Variants in LAP3 observed in about 807,000 individuals in gnomAD.
LAP3 encodes leucine aminopeptidase 3.
In LAP3, 46 loss-of-function variants were observed where a neutral mutation model predicts 58.8. The observed-to-expected ratio is 0.78, with a 90% CI of 0.62 to 1.00. The LOEUF (loss-of-function observed/expected upper bound fraction) is 1.00, where lower values mean the gene tolerates loss of function less well. Ranked by LOEUF, LAP3 falls within the 50% of genes least tolerant of loss-of-function variation. LAP3 has a pLI of 0.00. For missense variants in LAP3, 615 were observed against 659.1 expected (o/e 0.93, Z 0.73); for synonymous variants, 257 against 237.7 (o/e 1.08, Z -0.75).
intron 7 of LAP3, among the ~76,000 whole-genome samples, chr4:17,589,845 C>T (rs6831013): frequency 0.047 from 7,180 of 152,236 alleles, 546 homozygotes; most frequent in African/African-American, 0.16. Context: ...GGTGATGCCC[C>T]TGTTTGTATT....
chr4:17,605,664 A>C (rs918612154), intron 11 of LAP3, among the ~76,000 whole-genome samples: 8 of 152,004 alleles, frequency 5.3e-5, no homozygotes, highest in Non-Finnish European at 7.4e-5. Context: ...ACGAAGCCCA[A>C]TTTTCCCAGT....
chr4:17,593,401 G>T (rs898799894), intron 7 of LAP3, among the ~76,000 whole-genome samples: 1 of 151,782 alleles, frequency 6.6e-6, no homozygotes, highest in Non-Finnish European at 1.5e-5. Context: ...TTGGCACCTC[G>T]GGTGGAAATC....
chr4:17,598,237 T>G (rs1018295129), intron 9 of LAP3, among the ~76,000 whole-genome samples: 1 of 152,172 alleles, frequency 6.6e-6, no homozygotes, highest in East Asian at 1.9e-4. Context: ...GGGCTCAAGC[T>G]GTCTGCCCAC....
intron 4 of LAP3, chr4:17,582,658 A>G (rs1483124424): frequency 3.2e-6 from 1 of 310,692 alleles, no homozygotes; most frequent in Non-Finnish European, 6.0e-6. Flanking sequence ...GTCATATTAG[A>G]GCTGTGTTTT....
At chr4:17,594,863 T>G (rs1026400035) in intron 7 of LAP3, among the ~76,000 whole-genome samples, 1 of 152,168 alleles carries the variant, frequency 6.6e-6, no homozygotes, top group Non-Finnish European at 1.5e-5. Flanking sequence ...CATAAGTTGA[T>G]CAATTCATAA....
At chr4:17,600,719 C>G (rs1459462309) in intron 10 of LAP3, among the ~76,000 whole-genome samples, 2 of 152,156 alleles carry the variant, frequency 1.3e-5, no homozygotes, top group South Asian at 2.1e-4. Context: ...GTTCCAGAAG[C>G]TAGGGTTCCA....
At chr4:17,590,932 T>C (rs1016524648) in intron 7 of LAP3, among the ~76,000 whole-genome samples, 6 of 148,220 alleles carry the variant, frequency 4.0e-5, no homozygotes, top group Middle Eastern at 6.8e-3. Context: ...ACTTTTTTTT[T>C]TTTTTTTTTT....
In LAP3 at chr4:17,597,146, T is replaced by C; in HGVS notation, c.1077+12T>C. On this transcript the variant is annotated intron_variant, in intron 9 of 12. Coordinates refer to ENST00000226299, the MANE Select transcript of LAP3 (RefSeq NM_015907.3). Reference sequence around the variant, plus strand: ...GGAAGACCATCCAGGTTTGTAAATGTGAGACACAGCACTCCCCATCCAGCG... The same window carrying C: ...GGAAGACCATCCAGGTTTGTAAATGCGAGACACAGCACTCCCCATCCAGCG... 6.2e-7 allele frequency: 1 copy of C among 1,608,756 alleles called. No individual in the cohort carries two copies. The highest frequency in any genetic ancestry group is 2.2e-5 in the East Asian group (1 of 44,870).
At chr4:17,591,133 T>C (rs915083167) in intron 7 of LAP3, among the ~76,000 whole-genome samples, 1 of 151,378 alleles carries the variant, frequency 6.6e-6, no homozygotes, top group East Asian at 2.0e-4. Flanking sequence ...CTGGAGTGCA[T>C]TGGCGCAGTC....
chr4:17,585,383 G>GAC (rs1159969384), intron 6 of LAP3: 1 of 281,072 alleles, frequency 3.6e-6, no homozygotes, highest in East Asian at 7.3e-5. Context: ...GTGTTATTCA[G>GAC]ACACAATTAA....
chr4:17,602,032 T>G (rs1046364656), intron 10 of LAP3, among the ~76,000 whole-genome samples: 2 of 152,168 alleles, frequency 1.3e-5, no homozygotes, highest in African/African-American at 4.8e-5. Flanking sequence ...TGGTTAAGAA[T>G]TTAAGGAGCA....
intron 2 of LAP3, among the ~76,000 whole-genome samples, chr4:17,581,002 T>G (rs1011639034): frequency 6.6e-6 from 1 of 152,266 alleles, no homozygotes; most frequent in African/African-American, 2.4e-5. Flanking sequence ...CAGAGCATTC[T>G]CAAGTGCATT....
rs1379652037 is a variant in LAP3, at chr4:17,583,404, A to C, written c.380-79A>C. On this transcript the variant is annotated intron_variant, in intron 4 of 12. Transcript: ENST00000226299. ...AACCCCAGGGCTGTTTTCTCAGCAC[A>C]TCACATCATGCCTCTGCTGTCTGCT... The C allele has an allele frequency of 2.0e-6, 3 of 1,520,220 alleles. No homozygotes were observed. In the South Asian group the frequency reaches 3.4e-5, roughly 17 times the overall value. The allele number at this position is 1,520,220 out of a possible 1,614,324, so 94.2% of individuals were successfully genotyped here.
intron 11 of LAP3, among the ~76,000 whole-genome samples, chr4:17,605,244 A>G (rs958517666): frequency 3.3e-5 from 5 of 152,124 alleles, no homozygotes; most frequent in Non-Finnish European, 5.9e-5. Flanking sequence ...GCCTCCTGAC[A>G]CCTGGTTCAG....
rs553852818 is a variant in LAP3 at position 17,604,685 on chromosome 4, A to T, written c.1260+18A>T. On this transcript the variant is annotated intron_variant, in intron 11 of 12. Coordinates refer to ENST00000226299, the MANE Select transcript of LAP3 (RefSeq NM_015907.3). ...TCTTCGAGGTAGGAATAATATTTGT[A>T]TATCTAAATTGTAGAGATGGTGAAT... The T allele has an allele frequency of 6.5e-7, 1 of 1,539,976 alleles. No individual in the cohort carries two copies. The highest frequency in any genetic ancestry group is 1.1e-5 in the South Asian group (1 of 89,550).
intron 10 of LAP3, among the ~76,000 whole-genome samples, chr4:17,603,124 G>A (rs1375482407): frequency 6.6e-6 from 1 of 151,558 alleles, no homozygotes; most frequent in Admixed American, 6.6e-5. Flanking sequence ...TGGCTAACAC[G>A]GTGAAACCCC....
intron 7 of LAP3, among the ~76,000 whole-genome samples, chr4:17,593,605 T>C (rs924878146): frequency 2.4e-4 from 31 of 127,568 alleles, no homozygotes; most frequent in Non-Finnish European, 4.0e-4. Context: ...TAGAATCTGC[T>C]TGGGTTTTTT....
rs1713849116 is a variant in LAP3, at chr4:17,597,074, C to T, written c.1017C>T (p.Pro339=). The T allele has an allele frequency of 1.9e-6, 3 of 1,614,166 alleles. No individual in the cohort carries two copies. Among genetic ancestry groups the T allele is most frequent in the East Asian group, 4.5e-5 (2 of 44,878 alleles). Residue 339 remains proline, a synonymous_variant, in exon 9 of 13, where the codon CCC becomes CCT. Transcript: ENST00000226299. ...IGLAPLCENM[P]SGKANKPGDV... The stretch of plus-strand genomic sequence containing the variant: ...TGGCCCCTCTTTGTGAAAATATGCC[C>T]AGCGGCAAGGCCAACAAGCCGGGGG...
chr4:17,597,043 T>G lies in LAP3; in HGVS notation c.989-3T>G. The G allele has an allele frequency of 6.2e-7, 1 of 1,614,096 alleles. No homozygotes were observed. The highest frequency in any genetic ancestry group is 1.7e-5 in the Admixed American group (1 of 60,020). On this transcript the variant is annotated splice_region_variant and splice_polypyrimidine_tract_variant and intron_variant, in intron 8 of 12. Coordinates refer to ENST00000226299, the MANE Select transcript of LAP3 (RefSeq NM_015907.3). ...GTGTGCCTTCATATATTATTTCCAA[T>G]AGGTCTGGCCCCTCTTTGTGAAAAT...
Sources: gnomAD v4.1 joint callset for allele counts (sites outside exome capture counted in the v4.1 genomes callset) on GRCh38, gnomAD v4.1.1 for gene constraint, MANE v1.5 for transcripts, NCBI Gene and HGNC (gene_info 2026-07-23, HGNC 2026-07-21) for gene names.